Variants in ZIM2 observed in about 807,000 individuals in gnomAD.
ZIM2 encodes zinc finger imprinted 2, also known as zinc finger protein 656.
Under a neutral mutation model 38.6 loss-of-function variants are expected in ZIM2, and 14 were observed. That is an observed-to-expected ratio of 0.36 (90% CI 0.24 to 0.57). The LOEUF (loss-of-function observed/expected upper bound fraction) is 0.57, where lower values mean the gene tolerates loss of function less well. ZIM2 is among the 20% of genes least tolerant of loss of function. The pLI is 0.81. For missense variants in ZIM2, 680 were observed against 695.1 expected (o/e 0.98, Z 0.24); for synonymous variants, 247 against 245.8 (o/e 1.00, Z -0.04).
chr19:56,813,660 C>A (rs770291543), intron 9 of ZIM2: 160 of 1,605,528 alleles, frequency 1.0e-4, no homozygotes, highest in Non-Finnish European at 1.3e-4. Context: ...GTTTTCTAAC[C>A]TTTACCCCAT....
chr19:56,812,498 A>C (rs186307355), intron 9 of ZIM2: 1 of 985,630 alleles, frequency 1.0e-6, no homozygotes, highest in Non-Finnish European at 1.2e-6. Flanking sequence ...AGCGATAGAA[A>C]GATCTAAGGA....
rs377255843 is a variant in ZIM2 at position 56,821,566 on chromosome 19, A to C, written c.294+85T>G. The C allele has an allele frequency of 1.7e-5, 26 of 1,545,912 alleles. No individual in the cohort carries two copies. In the South Asian group the frequency reaches 2.3e-4, roughly 14 times the overall value. ...ACCCCAGCTGGACTCTAGGGGGCAG[A>C]TAAACACACCATCTGGGGAAAGAAA... On this transcript the variant is annotated intron_variant, in intron 7 of 12. Transcript: ENST00000629319.
chr19:56,816,662 G>A (rs764907402), intron 9 of ZIM2: 12 of 1,613,756 alleles, frequency 7.4e-6, no homozygotes, highest in African/African-American at 4.0e-5. Flanking sequence ...TCATGTTCAC[G>A]CTCATTATCT....
chr19:56,774,683 G>T lies in ZIM2; in HGVS notation c.*5C>A, dbSNP rs777351603. 6.2e-7 allele frequency: 1 copy of T among 1,612,814 alleles called. No individual in the cohort carries two copies. The highest frequency in any genetic ancestry group is 8.5e-7 in the Non-Finnish European group (1 of 1,179,144). ...AGAAAAGTGTGTGCTGTGACTAAAGGTTTCTCAACAGTGATCGCACTCAAC... is the reference window on the plus strand; with the variant it reads ...AGAAAAGTGTGTGCTGTGACTAAAGTTTTCTCAACAGTGATCGCACTCAAC... On this transcript the variant is annotated 3_prime_UTR_variant, in exon 13 of 13. Transcript: ENST00000629319.
chr19:56,815,306 G>A lies in ZIM2; in HGVS notation c.490+2440C>T, dbSNP rs1372793863. On this transcript the variant is annotated intron_variant, in intron 9 of 12. Transcript: ENST00000629319. ...TCATAGATTTTCTGGTTTGTGTTGA[G>A]GTCTTCGCTGGTAGCAAAAAATTGT... 2 of 1,614,234 alleles carry A rather than the reference G, an allele frequency of 1.2e-6. No individual in the cohort carries two copies. The highest frequency in any genetic ancestry group is 1.7e-5 in the Admixed American group (1 of 60,034).
intron 3 of ZIM2, 195 bp from the exon 4 acceptor site, chr19:56,824,622 G>A (rs773007992): frequency 6.2e-7 from 1 of 1,605,980 alleles, no homozygotes; most frequent in Non-Finnish European, 8.5e-7. Flanking sequence ...GACTTCTTAG[G>A]TTTGGTGGCA....
intron 9 of ZIM2, among the ~76,000 whole-genome samples, chr19:56,802,093 GGGA>G (rs1184595427): frequency 6.6e-6 from 1 of 152,188 alleles, no homozygotes; most frequent in African/African-American, 2.4e-5. Context: ...TGAAGGGAGG[GGGA>G]AGAGGGCAGG....
intron 9 of ZIM2, among the ~76,000 whole-genome samples, chr19:56,803,029 A>C (rs1249056383): frequency 5.3e-5 from 8 of 152,226 alleles, no homozygotes; most frequent in Non-Finnish European, 1.0e-4. Context: ...TCAGTTGCTA[A>C]AGGATGGCCA....
At position 56,819,034 on chromosome 19, in the gene ZIM2, G is replaced by A. The variant is rs145875729; in HGVS notation, c.295-332C>T. ...AGATAGTAAGTGCTAAACGGGTTTTGTAGAGGGACAGTTCAGGGTGGGCCT... is the reference window on the plus strand; with the variant it reads ...AGATAGTAAGTGCTAAACGGGTTTTATAGAGGGACAGTTCAGGGTGGGCCT... On this transcript the variant is annotated intron_variant, in intron 7 of 12. Coordinates refer to ENST00000629319, the MANE Select transcript of ZIM2 (RefSeq NM_001387356.1). Among the ~76,000 whole-genome samples the A allele has an allele frequency of 2.0e-5, 3 of 152,354 alleles. No homozygotes were observed. The East Asian group carries it at 5.8e-4, about 29-fold the overall frequency.
chr19:56,807,082 C>T (rs975962260), intron 9 of ZIM2, among the ~76,000 whole-genome samples: 3 of 152,206 alleles, frequency 2.0e-5, no homozygotes, highest in African/African-American at 7.2e-5. Context: ...CAAACAGTAC[C>T]TGACACTTAC....
rs2045943244 is a variant in ZIM2, at chr19:56,775,335, CAGG to C, written c.1027_1029del (p.Pro343del). 6.2e-7 allele frequency: 1 copy of C among 1,614,128 alleles called. No homozygotes were observed. Among genetic ancestry groups the C allele is most frequent in the African/African-American group, 1.3e-5 (1 of 75,014 alleles). On this transcript the variant is annotated inframe_deletion, in exon 13 of 13. Transcript: ENST00000629319. ...GCTGACTGGGGACTCGTACATATTC[CAGG>C]AGCAGTGCCTTCCTGGGGATCCTTT...
At chr19:56,813,585 A>G (rs2059690269) in intron 9 of ZIM2, 8 of 1,490,826 alleles carry the variant, frequency 5.4e-6, no homozygotes, top group Non-Finnish European at 7.2e-6. Context: ...TAAGTCTCCT[A>G]CTGACATTAT....
chr19:56,832,831 C>T (rs73935925), intron 2 of ZIM2, among the ~76,000 whole-genome samples: 2,160 of 152,316 alleles, frequency 0.014, 48 homozygotes, highest in African/African-American at 0.049. Context: ...CAGAACAAGC[C>T]TGGCGCTGCC....
At chr19:56,805,703 A>C (rs1442545478) in intron 9 of ZIM2, among the ~76,000 whole-genome samples, 2 of 152,314 alleles carry the variant, frequency 1.3e-5, no homozygotes, top group Middle Eastern at 3.4e-3. Flanking sequence ...AATTCATAGG[A>C]AAATGGCCCC....
intron 5 of ZIM2, among the ~76,000 whole-genome samples, chr19:56,823,317 G>T (rs1012830475): frequency 6.6e-6 from 1 of 152,192 alleles, no homozygotes; most frequent in Admixed American, 6.5e-5. Context: ...GAGGAGGCTG[G>T]GGGTACAGCT....
chr19:56,821,361 ACT>A (rs1172416027), intron 7 of ZIM2, among the ~76,000 whole-genome samples: 1 of 152,046 alleles, frequency 6.6e-6, no homozygotes, highest in Non-Finnish European at 1.5e-5. Flanking sequence ...CTCCAGAGTC[ACT>A]CTGCTTCCCT....
rs1600968101 is a variant in ZIM2, at chr19:56,817,836, C to T, written c.400G>A (p.Val134Met). The T allele has an allele frequency of 1.9e-6, 3 of 1,613,494 alleles. No homozygotes were observed. Among genetic ancestry groups the T allele is most frequent in the Non-Finnish European group, 2.5e-6 (3 of 1,179,598 alleles). ...TGGCCATCGTCTTCAGCAAGCTGCACTCCTGGTCACAAGGACAATATGATG... is the reference window on the plus strand; with the variant it reads ...TGGCCATCGTCTTCAGCAAGCTGCATTCCTGGTCACAAGGACAATATGATG... ...ENYRKLLSLGVQLAEDDGHSH... is the reference protein window; with the variant it reads ...ENYRKLLSLGMQLAEDDGHSH... The change falls in exon 9 of 13, where the codon GTG becomes ATG. Residue 134 changes from valine to methionine, a missense_variant and splice_region_variant. Coordinates refer to ENST00000629319, the MANE Select transcript of ZIM2 (RefSeq NM_001387356.1).
chr19:56,824,446 G>A lies in ZIM2; in HGVS notation c.-150-19C>T. The A allele has an allele frequency of 6.2e-7, 1 of 1,614,168 alleles. No homozygotes were observed. Reference sequence around the variant, plus strand: ...TCTCCGGCTGCAACCAATCGAGGCAGAGGTTTCGGAGTTTGATCAGGGTCT... The same window carrying A: ...TCTCCGGCTGCAACCAATCGAGGCAAAGGTTTCGGAGTTTGATCAGGGTCT... On this transcript the variant is annotated intron_variant, in intron 3 of 12. Coordinates refer to ENST00000629319, the MANE Select transcript of ZIM2 (RefSeq NM_001387356.1).
At chr19:56,817,876 T>C (rs1426810561) in intron 8 of ZIM2, 38 bp from the exon 9 acceptor site, 3 of 1,528,740 alleles carry the variant, frequency 2.0e-6, no homozygotes, top group Admixed American at 3.4e-5. Flanking sequence ...AAATTCAAGT[T>C]GAGGACCAAG....
Sources: allele counts gnomAD v4.1 joint callset (sites outside exome capture counted in the v4.1 genomes callset), GRCh38; gene constraint gnomAD v4.1.1; transcripts MANE v1.5; gene names NCBI Gene and HGNC (gene_info 2026-07-23, HGNC 2026-07-21).